Variants in AFAP1L2 observed in about 807,000 individuals in gnomAD.
AFAP1L2 encodes the protein actin filament-associated protein 1-like 2.
In AFAP1L2, 46 loss-of-function variants were observed where a neutral mutation model predicts 99.3. The observed-to-expected ratio is 0.46, with a 90% CI of 0.37 to 0.59. The LOEUF (loss-of-function observed/expected upper bound fraction) is 0.59. AFAP1L2 is among the 20% of genes least tolerant of loss of function. The probability of loss-of-function intolerance (pLI) is 0.00; values close to 1 mark genes in which losing one functional copy is unlikely to be tolerated. For synonymous variants in AFAP1L2, 397 were observed against 419.1 expected, an observed-to-expected ratio of 0.95 and a Z score of 0.64; for missense variants, 959 against 1,034.9, an observed-to-expected ratio of 0.93 and a Z score of 1.01.
At chr10:114,305,865 T>TGCAGGAGGGGGCGCAGGG (rs1414330059) in intron 10 of AFAP1L2, among the ~76,000 whole-genome samples, 1 of 88,868 alleles carries the variant, frequency 1.1e-5, no homozygotes, top group African/African-American at 4.6e-5. Flanking sequence ...GGGACGCGGG[T>TGCAGGAGGGGGCGCAGGG]GCAGGAGGGG....
chr10:114,338,254 A>C (rs529432819), intron 2 of AFAP1L2, among the ~76,000 whole-genome samples: 1 of 152,324 alleles, frequency 6.6e-6, no homozygotes, highest in South Asian at 2.1e-4. Context: ...TGGCCAGGGC[A>C]GGTGGAGACT....
At chr10:114,380,253 C>G (rs1038998562) in intron 1 of AFAP1L2, among the ~76,000 whole-genome samples, 1 of 152,214 alleles carries the variant, frequency 6.6e-6, no homozygotes, top group African/African-American at 2.4e-5. Context: ...CACCACACTT[C>G]CCTGGACTGT....
At chr10:114,350,909 G>C (rs2050373179) in intron 1 of AFAP1L2, among the ~76,000 whole-genome samples, 1 of 152,192 alleles carries the variant, frequency 6.6e-6, no homozygotes, top group African/African-American at 2.4e-5. Flanking sequence ...AAGAGGCTTT[G>C]GGTCCCGGGA....
intron 5 of AFAP1L2, among the ~76,000 whole-genome samples, chr10:114,317,395 T>C (rs1361984176): frequency 6.6e-6 from 1 of 152,108 alleles, no homozygotes; most frequent in Non-Finnish European, 1.5e-5. Flanking sequence ...AAAATAGCAG[T>C]ATTACCCAGG....
chr10:114,333,273 A>G lies in AFAP1L2; in HGVS notation c.168T>C (p.Tyr56=). The G allele has an allele frequency of 6.2e-7, 1 of 1,614,022 alleles. No homozygotes were observed. Among genetic ancestry groups the G allele is most frequent in the South Asian group, 1.1e-5 (1 of 91,084 alleles). The change falls in exon 3 of 19, where the codon TAT becomes TAC. Residue 56 remains tyrosine, a synonymous_variant. Transcript: ENST00000304129. ...KSSSSDEEYI[Y]MNKVTINKQQ... ...GCTTGTTGATGGTCACTTTGTTCAT[A>G]TAAATGTACTCCTCATCAGAGCCTG...
intron 5 of AFAP1L2, among the ~76,000 whole-genome samples, chr10:114,318,875 C>T (rs2044615225): frequency 6.6e-6 from 1 of 151,392 alleles, no homozygotes; most frequent in Non-Finnish European, 1.5e-5. Context: ...TATTCTTGGC[C>T]AGGCATGGTG....
chr10:114,349,376 T>A (rs1590400750), intron 1 of AFAP1L2, among the ~76,000 whole-genome samples: 1 of 105,952 alleles, frequency 9.4e-6, no homozygotes, highest in African/African-American at 3.7e-5. Context: ...AGAGTGAAAC[T>A]CGGTCTCAAA....
intron 1 of AFAP1L2, among the ~76,000 whole-genome samples, chr10:114,393,049 G>A (rs1239618789): frequency 6.6e-6 from 1 of 152,068 alleles, no homozygotes; most frequent in Non-Finnish European, 1.5e-5. Flanking sequence ...CCTGATACCC[G>A]GAAAGTAAAC....
intron 2 of AFAP1L2, among the ~76,000 whole-genome samples, chr10:114,340,196 T>C (rs1244871947): frequency 8.2e-6 from 1 of 121,378 alleles, no homozygotes; most frequent in Non-Finnish European, 1.8e-5. Context: ...AAAAAAAAAA[T>C]AGCTGGGCAT....
At chr10:114,320,255 G>A (rs559674524) in intron 5 of AFAP1L2, among the ~76,000 whole-genome samples, 1 of 152,360 alleles carries the variant, frequency 6.6e-6, no homozygotes, top group South Asian at 2.1e-4. Context: ...TTACACATGT[G>A]CTCAGAGAGA....
At chr10:114,315,861 C>T in intron 5 of AFAP1L2, 96 bp from the exon 6 acceptor site, 1 of 1,214,426 alleles carries the variant, frequency 8.2e-7, no homozygotes, top group Non-Finnish European at 1.2e-6. Flanking sequence ...GCAGCAGCAG[C>T]CAGACCACAG....
At chr10:114,321,275 C>CT (rs1452609262) in intron 5 of AFAP1L2, among the ~76,000 whole-genome samples, 1 of 152,126 alleles carries the variant, frequency 6.6e-6, no homozygotes, top group Non-Finnish European at 1.5e-5. Context: ...TCTTCCCCCG[C>CT]TAGTCCCCAA....
chr10:114,336,239 G>C (rs1347887637), intron 2 of AFAP1L2, among the ~76,000 whole-genome samples: 1 of 152,214 alleles, frequency 6.6e-6, no homozygotes, highest in Non-Finnish European at 1.5e-5. Context: ...CTGCAATTGT[G>C]GGAAAAATAC....
intron 5 of AFAP1L2, chr10:114,319,554 A>G (rs1440312817): frequency 3.1e-6 from 4 of 1,289,354 alleles, no homozygotes; most frequent in Non-Finnish European, 4.0e-6. Context: ...TCGGGGAGTA[A>G]GCAGTACCCA....
chr10:114,299,517 A>G, intron 15 of AFAP1L2, 102 bp from the exon 16 acceptor site: 1 of 1,454,256 alleles, frequency 6.9e-7, no homozygotes, highest in Non-Finnish European at 9.3e-7. Context: ...GCTTTGGCAC[A>G]AAGCCCTGCT....
rs190799741 is a variant in AFAP1L2 at position 114,365,408 on chromosome 10, C to T, written c.17-24677G>A. Among the ~76,000 whole-genome samples, 27 of 152,062 alleles carry T rather than the reference C, an allele frequency of 1.8e-4. 1 individual carries two copies. The highest frequency in any genetic ancestry group is 9.7e-4 in the East Asian group (5 of 5,176). On this transcript the variant is annotated intron_variant, in intron 1 of 18. Transcript: ENST00000304129. ...GTCATTAGGCGGCCATTCAGATGAT[C>T]CAGAATATGTTTCAAATAATTTTTT...
intron 1 of AFAP1L2, among the ~76,000 whole-genome samples, chr10:114,400,602 C>T (rs10749161): frequency 6.8e-6 from 1 of 147,390 alleles, no homozygotes; most frequent in Non-Finnish European, 1.5e-5. Context: ...GTGTGAGTAT[C>T]GGGGGGGCAT....
Position 114,315,760 on chromosome 10 carries a change from C to A in AFAP1L2, c.412G>T (p.Gly138Ter). Residue 138 changes from glycine to a stop codon, truncating the protein, a stop_gained, in exon 6 of 19, where the codon GGA (glycine) becomes TGA (stop). Transcript: ENST00000304129. LOFTEE classifies it high-confidence loss of function. Reference protein sequence around the residue: ...EPYDTSLNEDGEAVSSSYESY... With the variant: ...EPYDTSLNED ...TCGTAGGAGCTGCTCACAGCCTCTC[C>A]GTCCTCTGCAAGGAAGACCAGCTCG... 1.9e-6 allele frequency: 3 copies of A among 1,611,028 alleles called. No homozygotes were observed. Among genetic ancestry groups the A allele is most frequent in the Non-Finnish European group, 1.7e-6 (2 of 1,179,062 alleles).
intron 2 of AFAP1L2, 130 bp from the exon 3 acceptor site, chr10:114,333,425 G>A: frequency 1.5e-6 from 1 of 679,508 alleles, no homozygotes; most frequent in Non-Finnish European, 2.6e-6. Flanking sequence ...CATTTTCAGT[G>A]GATTGAAAGA....
Sources: allele counts gnomAD v4.1 joint callset (sites outside exome capture counted in the v4.1 genomes callset), GRCh38; gene constraint gnomAD v4.1.1; transcripts MANE v1.5; gene names NCBI Gene and HGNC (gene_info 2026-07-23, HGNC 2026-07-21).